NRG3: variants seen among roughly 807,000 people sequenced by gnomAD.
The protein encoded by NRG3 is neuregulin 3, also known as pro-neuregulin-3, membrane-bound isoform.
Under a neutral mutation model 66.9 loss-of-function variants are expected in NRG3, and 31 were observed. The ratio of observed to expected loss-of-function variants is 0.46; its 90% CI spans 0.35 to 0.63. NRG3 has a LOEUF of 0.63. NRG3 is among the 20% of genes least tolerant of loss of function. The pLI, the probability that NRG3 is intolerant of heterozygous loss-of-function variation, is 0.00. For synonymous variants in NRG3, 393 were observed against 359.4 expected (o/e 1.09, Z -1.06); for missense variants, 910 against 878.9 (o/e 1.04, Z -0.45).
At chr10:82,377,255 A>G (rs1166092251) in intron 2 of NRG3, among the ~76,000 whole-genome samples, 2 of 152,228 alleles carry the variant, frequency 1.3e-5, no homozygotes, top group African/African-American at 4.8e-5. Context: ...CATCTTCAGA[A>G]GCTACCAGTT....
At chr10:82,176,140 A>T (rs970029719) in intron 1 of NRG3, among the ~76,000 whole-genome samples, 1 of 152,192 alleles carries the variant, frequency 6.6e-6, no homozygotes, top group African/African-American at 2.4e-5. Context: ...CATTAATATG[A>T]ATCTTCAAGT....
intron 3 of NRG3, among the ~76,000 whole-genome samples, chr10:82,853,730 A>G (rs1321784214): frequency 2.6e-5 from 4 of 152,272 alleles, no homozygotes; most frequent in African/African-American, 7.2e-5. Flanking sequence ...TAGGTATACA[A>G]TCATATTATT....
rs192360063 is a variant in NRG3, at chr10:82,563,260, G to A, written c.954-175317G>A. On this transcript the variant is annotated intron_variant, in intron 2 of 8. Transcript: ENST00000372141. The stretch of plus-strand genomic sequence containing the variant: ...TTCATTTTACATTTTTTTCACATAC[G>A]TAAAAGAGAAAAATTGGATGTACAT... Among the ~76,000 whole-genome samples the A allele has an allele frequency of 2.9e-3, 441 of 151,926 alleles. 1 individual carries two copies. The highest frequency in any genetic ancestry group is 9.2e-3 in the African/African-American group (381 of 41,442).
At chr10:82,430,323 T>A (rs1026247424) in intron 2 of NRG3, among the ~76,000 whole-genome samples, 2 of 152,078 alleles carry the variant, frequency 1.3e-5, no homozygotes, top group Non-Finnish European at 1.5e-5. Flanking sequence ...AGTGGCGCCA[T>A]CTCGGCTCAC....
chr10:81,932,296 T>G (rs1010376239), intron 1 of NRG3, among the ~76,000 whole-genome samples: 2 of 152,004 alleles, frequency 1.3e-5, no homozygotes, highest in Admixed American at 6.6e-5. Flanking sequence ...TGACCAGATC[T>G]TGTGAGAACT....
chr10:82,189,319 T>C (rs1021424945), intron 1 of NRG3, among the ~76,000 whole-genome samples: 1 of 152,178 alleles, frequency 6.6e-6, no homozygotes, highest in Non-Finnish European at 1.5e-5. Context: ...AAATTTTGTC[T>C]CTTTTCTAGT....
intron 2 of NRG3, among the ~76,000 whole-genome samples, chr10:82,735,006 C>CAAAAA (rs11404285): frequency 7.8e-6 from 1 of 128,518 alleles, no homozygotes; most frequent in Non-Finnish European, 1.6e-5. Context: ...GACTCTGCCT[C>CAAAAA]AAAAAAAAAA....
At chr10:82,330,701 G>T (rs1270318427) in intron 1 of NRG3, among the ~76,000 whole-genome samples, 1 of 152,110 alleles carries the variant, frequency 6.6e-6, no homozygotes, top group East Asian at 1.9e-4. Context: ...CTACCTCGTT[G>T]TAAGTACAAG....
intron 2 of NRG3, among the ~76,000 whole-genome samples, chr10:82,492,121 G>A (rs555803107): frequency 2.9e-4 from 44 of 152,128 alleles, no homozygotes; most frequent in Non-Finnish European, 4.6e-4. Flanking sequence ...ATCAATTGGC[G>A]TTTACCCATA....
At chr10:82,000,295 T>G (rs1339300548) in intron 1 of NRG3, among the ~76,000 whole-genome samples, 1 of 152,232 alleles carries the variant, frequency 6.6e-6, no homozygotes, top group Non-Finnish European at 1.5e-5. Flanking sequence ...TATGTCCATT[T>G]GGACAGAAAA....
At chr10:82,044,398 T>C (rs2063173030) in intron 1 of NRG3, among the ~76,000 whole-genome samples, 1 of 151,750 alleles carries the variant, frequency 6.6e-6, no homozygotes, top group South Asian at 2.1e-4. Context: ...TGGAACAATG[T>C]AGACATGCCA....
chr10:82,474,600 G>T (rs2132084263), intron 2 of NRG3, among the ~76,000 whole-genome samples: 1 of 152,240 alleles, frequency 6.6e-6, no homozygotes, highest in Non-Finnish European at 1.5e-5. Context: ...GAAGAAAAGT[G>T]AATGGAGCCT....
At chr10:82,051,757 G>T (rs907730066) in intron 1 of NRG3, among the ~76,000 whole-genome samples, 8 of 151,974 alleles carry the variant, frequency 5.3e-5, no homozygotes, top group African/African-American at 1.9e-4. Flanking sequence ...ATAATGAGAG[G>T]ACATCATTAT....
Position 82,264,395 on chromosome 10 carries a change from G to A in NRG3, c.824-94344G>A, listed in dbSNP as rs534976196. ...TAGTGATCATGAGAACAGCCCGGGG[G>A]AAACTGCGACCCCCACTCCCGCCCC... On this transcript the variant is annotated intron_variant, in intron 1 of 8. Coordinates refer to ENST00000372141, the MANE Select transcript of NRG3 (RefSeq NM_001010848.4). 2.1e-3 allele frequency among the ~76,000 whole-genome samples: 312 copies of A among 152,186 alleles called. 2 individuals are homozygous for A. Among genetic ancestry groups the A allele is most frequent in the African/African-American group, 7.3e-3 (302 of 41,540 alleles).
intron 3 of NRG3, among the ~76,000 whole-genome samples, chr10:82,832,716 T>C (rs1358825721): frequency 1.3e-5 from 2 of 152,296 alleles, no homozygotes; most frequent in East Asian, 3.9e-4. Flanking sequence ...GATAAAATTA[T>C]GTATTTGAGA....
chr10:82,091,877 T>A (rs1186929884), intron 1 of NRG3, among the ~76,000 whole-genome samples: 1 of 152,170 alleles, frequency 6.6e-6, no homozygotes, highest in Middle Eastern at 3.2e-3. Flanking sequence ...TAAGTTGGAT[T>A]TGCACTTTCC....
At chr10:82,198,923 G>A (rs1432829339) in intron 1 of NRG3, among the ~76,000 whole-genome samples, 2 of 150,830 alleles carry the variant, frequency 1.3e-5, no homozygotes, top group African/African-American at 5.0e-5. Flanking sequence ...CTTGAACCCG[G>A]GAGGCGGAGG....
intron 2 of NRG3, among the ~76,000 whole-genome samples, chr10:82,473,982 A>T (rs1036622050): frequency 6.6e-6 from 1 of 152,102 alleles, no homozygotes; most frequent in African/African-American, 2.4e-5. Flanking sequence ...ACATTTAAAA[A>T]CTATCATGTA....
At chr10:82,465,832 G>C (rs1029925889) in intron 2 of NRG3, among the ~76,000 whole-genome samples, 6 of 152,144 alleles carry the variant, frequency 3.9e-5, no homozygotes, top group Non-Finnish European at 8.8e-5. Context: ...CCTTTAAAAT[G>C]GGCTTATTCA....
Sources: gnomAD v4.1 joint callset for allele counts (sites outside exome capture counted in the v4.1 genomes callset) on GRCh38, gnomAD v4.1.1 for gene constraint, MANE v1.5 for transcripts, NCBI Gene and HGNC (gene_info 2026-07-23, HGNC 2026-07-21) for gene names.